The following GPC5 variants were observed in gnomAD, a reference collection of about 807,000 sequenced individuals.
GPC5 encodes glypican 5.
GPC5 carries 47 observed loss-of-function variants against 53.9 expected under a neutral mutation model. The ratio of observed to expected loss-of-function variants is 0.87; its 90% CI spans 0.69 to 1.11. The LOEUF (loss-of-function observed/expected upper bound fraction) is 1.11. Among genes scored for constraint, GPC5 ranks in the 50% most tolerant of loss-of-function variants. GPC5 has a pLI of 0.00. For synonymous variants in GPC5, 286 were observed against 263.3 expected, an observed-to-expected ratio of 1.09 and a Z score of -0.84; for missense variants, 748 against 713.1, an observed-to-expected ratio of 1.05 and a Z score of -0.56.
chr13:92,254,453 G>A (rs1437249673), intron 7 of GPC5, among the ~76,000 whole-genome samples: 1 of 152,040 alleles, frequency 6.6e-6, no homozygotes, highest in African/African-American at 2.4e-5. Flanking sequence ...GACCAGAAAA[G>A]GGAACAACTT....
intron 7 of GPC5, among the ~76,000 whole-genome samples, chr13:92,187,391 C>T (rs1018473411): frequency 1.3e-5 from 2 of 152,264 alleles, no homozygotes; most frequent in Admixed American, 6.5e-5. Context: ...TGAGAGGACT[C>T]AAAAATGCTG....
chr13:91,923,116 A>G (rs1029271771), intron 6 of GPC5, among the ~76,000 whole-genome samples: 1 of 149,906 alleles, frequency 6.7e-6, no homozygotes, highest in Non-Finnish European at 1.5e-5. Context: ...GAGTATGCAC[A>G]ATCAATCAAT....
chr13:91,632,986 G>A (rs898879099), intron 2 of GPC5, among the ~76,000 whole-genome samples: 1 of 152,066 alleles, frequency 6.6e-6, no homozygotes, highest in African/African-American at 2.4e-5. Flanking sequence ...GCATACCCTC[G>A]ACTAAACCTG....
chr13:92,681,250 T>C (rs1485046195), intron 7 of GPC5, among the ~76,000 whole-genome samples: 2 of 152,156 alleles, frequency 1.3e-5, no homozygotes, highest in Non-Finnish European at 2.9e-5. Context: ...TCATGTCTGG[T>C]ATATCACAAG....
At chr13:92,251,115 C>T (rs1050363827) in intron 7 of GPC5, among the ~76,000 whole-genome samples, 1 of 152,094 alleles carries the variant, frequency 6.6e-6, no homozygotes, top group African/African-American at 2.4e-5. Flanking sequence ...TACAATCCCA[C>T]ATAAAGCTCC....
chr13:92,711,123 T>C (rs1566377788), intron 7 of GPC5, among the ~76,000 whole-genome samples: 3 of 152,128 alleles, frequency 2.0e-5, no homozygotes, highest in Non-Finnish European at 4.4e-5. Flanking sequence ...AAGATGTGCA[T>C]TAAAAAATAA....
At chr13:92,097,509 G>A (rs1329203939) in intron 6 of GPC5, among the ~76,000 whole-genome samples, 3 of 152,344 alleles carry the variant, frequency 2.0e-5, no homozygotes, top group African/African-American at 7.2e-5. Context: ...TTACACAGAA[G>A]CCTATATGAA....
intron 6 of GPC5, among the ~76,000 whole-genome samples, chr13:92,083,646 A>G (rs531865418): frequency 4.3e-4 from 66 of 152,362 alleles, no homozygotes; most frequent in Non-Finnish European, 6.9e-4. Context: ...AGGTATTTTT[A>G]CATCATGTTT....
intron 7 of GPC5, among the ~76,000 whole-genome samples, chr13:92,507,965 A>G (rs1391004518): frequency 1.3e-5 from 2 of 152,066 alleles, no homozygotes; most frequent in Admixed American, 6.6e-5. Flanking sequence ...TAATTAATTA[A>G]TTTAGTTTTT....
At chr13:91,864,448 G>A (rs77699384) in intron 5 of GPC5, among the ~76,000 whole-genome samples, 4,995 of 152,150 alleles carry the variant, frequency 0.033, 127 homozygotes, top group Middle Eastern at 0.061. Context: ...TCTATTGTGT[G>A]CTTTAGATGC....
chr13:91,680,221 G>A (rs528838734), intron 2 of GPC5, among the ~76,000 whole-genome samples: 1 of 152,088 alleles, frequency 6.6e-6, no homozygotes, highest in Non-Finnish European at 1.5e-5. Context: ...GAGGCCGAGG[G>A]GGGCAGATCA....
intron 5 of GPC5, among the ~76,000 whole-genome samples, chr13:91,846,345 T>A (rs1188095009): frequency 6.6e-6 from 1 of 152,194 alleles, no homozygotes; most frequent in African/African-American, 2.4e-5. Context: ...AGTACCGCCT[T>A]AAATGCTAGT....
intron 2 of GPC5, among the ~76,000 whole-genome samples, chr13:91,656,217 T>G (rs2034841761): frequency 6.6e-6 from 1 of 152,214 alleles, no homozygotes; most frequent in South Asian, 2.1e-4. Flanking sequence ...GATGAATTTA[T>G]TGTCCTATTT....
chr13:92,309,253 A>G (rs2043130619), intron 7 of GPC5, among the ~76,000 whole-genome samples: 1 of 152,084 alleles, frequency 6.6e-6, no homozygotes, highest in Non-Finnish European at 1.5e-5. Flanking sequence ...CAAAATACAC[A>G]TAGTTCCTTC....
At chr13:92,527,108 A>AAAAGAAAGAAAGAAAGAAAGAAAGAAAG (rs58356455) in intron 7 of GPC5, among the ~76,000 whole-genome samples, 1 of 39,024 alleles carries the variant, frequency 2.6e-5, no homozygotes, top group Non-Finnish European at 5.5e-5. Flanking sequence ...AAAGAAAGAA[A>AAAAGAAAGAAAGAAAGAAAGAAAGAAAG]AAAGAAAGAA....
intron 7 of GPC5, among the ~76,000 whole-genome samples, chr13:92,760,490 C>G (rs183650547): frequency 1.3e-5 from 2 of 151,952 alleles, no homozygotes; most frequent in African/African-American, 4.8e-5. Context: ...TCTTATGATC[C>G]TTTCTTTTCT....
At chr13:92,317,516 C>T (rs181481296) in intron 7 of GPC5, among the ~76,000 whole-genome samples, 22 of 151,782 alleles carry the variant, frequency 1.4e-4, no homozygotes, top group South Asian at 1.2e-3. Context: ...GTTTTTGAGA[C>T]GCAATCTCAC....
chr13:92,176,108 A>G (rs1399132310), intron 7 of GPC5, among the ~76,000 whole-genome samples: 1 of 152,230 alleles, frequency 6.6e-6, no homozygotes, highest in Non-Finnish European at 1.5e-5. Context: ...CAGAATCACC[A>G]TATATCGTGA....
At chr13:91,918,620 C>A (rs1276901799) in intron 6 of GPC5, among the ~76,000 whole-genome samples, 1 of 152,144 alleles carries the variant, frequency 6.6e-6, no homozygotes, top group Non-Finnish European at 1.5e-5. Flanking sequence ...CTCCGTCATT[C>A]CCCTGAAATA....
Sources: gnomAD v4.1 joint callset for allele counts (sites outside exome capture counted in the v4.1 genomes callset) on GRCh38, gnomAD v4.1.1 for gene constraint, MANE v1.5 for transcripts, NCBI Gene and HGNC (gene_info 2026-07-23, HGNC 2026-07-21) for gene names.